CNTN4: variants seen among roughly 807,000 people sequenced by gnomAD.
CNTN4 encodes contactin 4.
Under a neutral mutation model 122.5 loss-of-function variants are expected in CNTN4, and 77 were observed. The observed-to-expected ratio is 0.63, with a 90% CI of 0.52 to 0.76. The LOEUF (loss-of-function observed/expected upper bound fraction) is 0.76. CNTN4 is among the 30% of genes least tolerant of loss of function. The probability of loss-of-function intolerance (pLI) is 0.00; values close to 1 mark genes in which losing one functional copy is unlikely to be tolerated. For missense variants in CNTN4, 1,256 were observed against 1,259.1 expected (o/e 1.00, Z 0.04); for synonymous variants, 512 against 447.0 (o/e 1.15, Z -1.83).
chr3:2,299,853 A>C (rs1390821705), intron 2 of CNTN4, among the ~76,000 whole-genome samples: 1 of 152,190 alleles, frequency 6.6e-6, no homozygotes, highest in Non-Finnish European at 1.5e-5. Flanking sequence ...CTAAAACATA[A>C]TAGTAAATAT....
intron 6 of CNTN4, among the ~76,000 whole-genome samples, chr3:2,761,476 T>A (rs1464197414): frequency 7.7e-6 from 1 of 129,732 alleles, no homozygotes; most frequent in African/African-American, 2.7e-5. Context: ...GTGTGTGTAT[T>A]TGAACAGGTT....
At chr3:2,296,800 ACAAC>A (rs369717096) in intron 2 of CNTN4, among the ~76,000 whole-genome samples, 12,708 of 144,118 alleles carry the variant, frequency 0.088, 627 homozygotes, top group Middle Eastern at 0.12. Flanking sequence ...AAAAAAAAAA[ACAAC>A]AAAAAACTAT....
intron 2 of CNTN4, among the ~76,000 whole-genome samples, chr3:2,155,784 A>G (rs576329653): frequency 5.9e-5 from 9 of 152,268 alleles, no homozygotes; most frequent in Admixed American, 3.9e-4. Context: ...GAGTCTTTGA[A>G]CTGTGGTGCG....
At chr3:2,542,835 A>G (rs1232165629) in intron 3 of CNTN4, among the ~76,000 whole-genome samples, 2 of 152,104 alleles carry the variant, frequency 1.3e-5, no homozygotes, top group East Asian at 3.9e-4. Context: ...ATCCATATTC[A>G]GTAAGGGGAC....
intron 13 of CNTN4, among the ~76,000 whole-genome samples, chr3:2,954,615 G>T (rs1033467479): frequency 2.0e-5 from 3 of 151,652 alleles, no homozygotes; most frequent in Non-Finnish European, 2.9e-5. Flanking sequence ...TTTCACTGAG[G>T]GGGAGGGCAG....
chr3:2,692,019 G>T (rs773730396), intron 4 of CNTN4, among the ~76,000 whole-genome samples: 1 of 152,114 alleles, frequency 6.6e-6, no homozygotes, highest in Non-Finnish European at 1.5e-5. Context: ...AACACCCTGC[G>T]TCCTTGTTAT....
chr3:2,495,727 G>C (rs934549066), intron 3 of CNTN4, among the ~76,000 whole-genome samples: 1 of 152,168 alleles, frequency 6.6e-6, no homozygotes, highest in Non-Finnish European at 1.5e-5. Context: ...GATGACCTGA[G>C]GGGGAACAGT....
Position 2,169,894 on chromosome 3 carries a change from T to C in CNTN4, c.-145+69255T>C, listed in dbSNP as rs539096290. Among the ~76,000 whole-genome samples, 335 of 152,348 alleles carry C rather than the reference T, an allele frequency of 2.2e-3. 1 individual carries two copies. Among genetic ancestry groups the C allele is most frequent in the Admixed American group, 3.9e-3 (60 of 15,308 alleles). ...AATAAATAATGGGAAAGGACAAATA[T>C]TACTATTTTCAGATTGTATATGGGT... On this transcript the variant is annotated intron_variant, in intron 2 of 24. Transcript: ENST00000418658.
intron 2 of CNTN4, among the ~76,000 whole-genome samples, chr3:2,283,982 C>A (rs575616830): frequency 6.6e-6 from 1 of 152,174 alleles, no homozygotes; most frequent in East Asian, 1.9e-4. Flanking sequence ...CTGCTTCTTA[C>A]TTATCTAGTT....
chr3:2,705,832 A>G lies in CNTN4; in HGVS notation c.56-30383A>G, dbSNP rs1391945909. 9.6e-5 allele frequency among the ~76,000 whole-genome samples: 10 copies of G among 103,802 alleles called. No homozygotes were observed. In the East Asian group the frequency reaches 1.3e-3, roughly 13 times the overall value. 68.1% of individuals were successfully genotyped at this position (103,802 alleles called of 152,430 possible). A position where few individuals can be genotyped will look rare whatever the true frequency, so the allele number is the denominator to read the frequency against. On this transcript the variant is annotated intron_variant, in intron 4 of 24. Transcript: ENST00000418658. The stretch of plus-strand genomic sequence containing the variant: ...AATATATATAATATATAATAAATAT[A>G]TATAATATATAATATATAATATATG...
chr3:3,030,823 G>T, intron 15 of CNTN4, 32 bp from the exon 16 acceptor site: 1 of 1,612,940 alleles, frequency 6.2e-7, no homozygotes, highest in Non-Finnish European at 8.5e-7. Context: ...TCATTAAAAA[G>T]TAATTGCAGC....
At position 2,134,370 on chromosome 3, in the gene CNTN4, C is replaced by T. The variant is rs181029810; in HGVS notation, c.-145+33731C>T. On this transcript the variant is annotated intron_variant, in intron 2 of 24. Transcript: ENST00000418658. ...ACCCCAGTCTGCATCTGAAAACTGC[C>T]GCTTTTCAAAGAGAGGCAGACAGGT... is the stretch of plus-strand genomic sequence containing the variant. 2.7e-3 allele frequency among the ~76,000 whole-genome samples: 414 copies of T among 152,212 alleles called. 4 individuals carry two copies. The highest frequency in any genetic ancestry group is 9.3e-3 in the African/African-American group (386 of 41,524).
chr3:2,111,755 C>G (rs1310173483), intron 2 of CNTN4, among the ~76,000 whole-genome samples: 1 of 152,026 alleles, frequency 6.6e-6, no homozygotes, highest in Non-Finnish European at 1.5e-5. Context: ...GTTGTGAAGA[C>G]TAAAGTTACT....
intron 3 of CNTN4, among the ~76,000 whole-genome samples, chr3:2,493,617 G>A (rs1361271081): frequency 1.3e-5 from 2 of 151,730 alleles, no homozygotes; most frequent in Admixed American, 1.3e-4. Flanking sequence ...GGAAGGAACT[G>A]CTAGCTGCCA....
chr3:2,483,566 C>T (rs1279095436), intron 3 of CNTN4, among the ~76,000 whole-genome samples: 1 of 152,060 alleles, frequency 6.6e-6, no homozygotes, highest in Admixed American at 6.5e-5. Context: ...AGTTGTAATC[C>T]CATAATTCCC....
intron 2 of CNTN4, among the ~76,000 whole-genome samples, chr3:2,127,846 A>G (rs771592545): frequency 2.2e-4 from 34 of 152,196 alleles, no homozygotes; most frequent in Non-Finnish European, 4.0e-4. Flanking sequence ...AAAGATTGCA[A>G]GCTCCACTGG....
intron 3 of CNTN4, among the ~76,000 whole-genome samples, chr3:2,551,990 T>C (rs2078527586): frequency 6.6e-6 from 1 of 152,190 alleles, no homozygotes; most frequent in African/African-American, 2.4e-5. Flanking sequence ...TAAAACAAGA[T>C]ACCTTTTCTT....
intron 2 of CNTN4, among the ~76,000 whole-genome samples, chr3:2,212,137 AT>A (rs113513671): frequency 8.6e-5 from 13 of 150,530 alleles, no homozygotes; most frequent in African/African-American, 2.0e-4. Flanking sequence ...ATACCTGGCT[AT>A]TTTTTTTTGT....
chr3:2,235,949 A>C (rs1391022333), intron 2 of CNTN4, among the ~76,000 whole-genome samples: 1 of 152,144 alleles, frequency 6.6e-6, no homozygotes, highest in African/African-American at 2.4e-5. Flanking sequence ...AACTAGTCAA[A>C]AAATTTAGTG....
Sources: allele counts gnomAD v4.1 joint callset (sites outside exome capture counted in the v4.1 genomes callset), GRCh38; gene constraint gnomAD v4.1.1; transcripts MANE v1.5; gene names NCBI Gene and HGNC (gene_info 2026-07-23, HGNC 2026-07-21).